Variants in MALRD1 observed in about 807,000 individuals in gnomAD.
The protein encoded by MALRD1 is MAM and LDL-receptor class A domain-containing protein 1.
Under a neutral mutation model 242.1 loss-of-function variants are expected in MALRD1, and 247 were observed. The observed-to-expected ratio is 1.02, with a 90% CI of 0.92 to 1.13. The LOEUF is 1.13. Among genes scored for constraint, MALRD1 ranks in the 50% most tolerant of loss-of-function variants. The pLI is 0.00. For synonymous variants in MALRD1, 995 were observed against 866.6 expected (o/e 1.15, Z -2.60); for missense variants, 2,989 against 2,533.1 (o/e 1.18, Z -3.86).
intron 29 of MALRD1, chr10:19,489,326 G>T: frequency 3.8e-6 from 2 of 529,048 alleles, no homozygotes. Flanking sequence ...AGAGTTAACT[G>T]CAGAAAACGG....
At chr10:19,229,512 C>T (rs1254440867) in intron 18 of MALRD1, among the ~76,000 whole-genome samples, 2 of 152,230 alleles carry the variant, frequency 1.3e-5, no homozygotes, top group Admixed American at 6.5e-5. Flanking sequence ...TCTATTAGAA[C>T]CATGGCCTTA....
chr10:19,289,975 ACC>A (rs891187652), intron 21 of MALRD1, among the ~76,000 whole-genome samples: 7 of 151,880 alleles, frequency 4.6e-5, no homozygotes, highest in Non-Finnish European at 8.8e-5. Flanking sequence ...AGAGAAAAAA[ACC>A]CACAATAATA....
intron 38 of MALRD1, among the ~76,000 whole-genome samples, chr10:19,711,873 G>A (rs952496554): frequency 3.3e-5 from 5 of 152,164 alleles, no homozygotes; most frequent in South Asian, 2.1e-4. Flanking sequence ...ATTAAAATCA[G>A]GGAGTAGCAG....
intron 38 of MALRD1, among the ~76,000 whole-genome samples, chr10:19,695,935 G>A (rs1833358863): frequency 6.6e-6 from 1 of 152,064 alleles, no homozygotes; most frequent in Non-Finnish European, 1.5e-5. Context: ...AACAGCATGG[G>A]AAAAACTCAC....
intron 38 of MALRD1, among the ~76,000 whole-genome samples, chr10:19,701,993 A>C (rs991240766): frequency 6.6e-6 from 1 of 152,056 alleles, no homozygotes; most frequent in Non-Finnish European, 1.5e-5. Context: ...TTCTTATTTC[A>C]TTGACTGGAC....
At chr10:19,493,941 G>A (rs1303128354) in intron 30 of MALRD1, among the ~76,000 whole-genome samples, 1 of 152,128 alleles carries the variant, frequency 6.6e-6, no homozygotes, top group Non-Finnish European at 1.5e-5. Context: ...ACTAAGTAGG[G>A]CATTTAATAG....
chr10:19,140,126 A>G (rs559260160), intron 10 of MALRD1, among the ~76,000 whole-genome samples: 1 of 152,316 alleles, frequency 6.6e-6, no homozygotes, highest in South Asian at 2.1e-4. Flanking sequence ...TATTCTCATT[A>G]AATGAAATAT....
At chr10:19,100,149 A>C (rs1429416650) in intron 4 of MALRD1, among the ~76,000 whole-genome samples, 1 of 151,932 alleles carries the variant, frequency 6.6e-6, no homozygotes, top group East Asian at 1.9e-4. Flanking sequence ...AACTCTTTTC[A>C]TTTAAATCTG....
chr10:19,595,651 G>A (rs1838058853), intron 34 of MALRD1, among the ~76,000 whole-genome samples, 194 bp downstream of exon 34: 1 of 152,016 alleles, frequency 6.6e-6, no homozygotes, highest in Admixed American at 6.6e-5. Context: ...CCCCGTTTGT[G>A]GTCATGCTAA....
intron 10 of MALRD1, among the ~76,000 whole-genome samples, chr10:19,138,239 C>G (rs1295181733): frequency 6.6e-6 from 1 of 152,150 alleles, no homozygotes; most frequent in Non-Finnish European, 1.5e-5. Context: ...TTGTTCAAAA[C>G]AAACGATGTA....
At chr10:19,142,763 T>C (rs1048627074) in intron 10 of MALRD1, among the ~76,000 whole-genome samples, 1 of 152,210 alleles carries the variant, frequency 6.6e-6, no homozygotes, top group Non-Finnish European at 1.5e-5. Context: ...TTAACACATA[T>C]AGTATGATAA....
At chr10:19,188,893 T>C (rs1835852038) in intron 14 of MALRD1, among the ~76,000 whole-genome samples, 1 of 152,170 alleles carries the variant, frequency 6.6e-6, no homozygotes, top group Non-Finnish European at 1.5e-5. Context: ...TCTGGATCTA[T>C]TTTGAAGGCA....
chr10:19,728,023 T>A (rs754787830), intron 38 of MALRD1, among the ~76,000 whole-genome samples: 77 of 152,188 alleles, frequency 5.1e-4, no homozygotes, highest in Non-Finnish European at 8.5e-4. Flanking sequence ...GACGGTGTAA[T>A]AGTTTACCTT....
At chr10:19,694,948 C>T (rs981050526) in intron 38 of MALRD1, among the ~76,000 whole-genome samples, 1 of 152,126 alleles carries the variant, frequency 6.6e-6, no homozygotes. Flanking sequence ...TGGGAACCAT[C>T]ATTCTCAGCA....
intron 14 of MALRD1, among the ~76,000 whole-genome samples, chr10:19,190,363 A>T (rs1835918933): frequency 6.6e-6 from 1 of 152,158 alleles, no homozygotes; most frequent in Admixed American, 6.5e-5. Flanking sequence ...TATTCTTAAG[A>T]TGTCAGTATC....
At chr10:19,553,490 TA>T (rs1835583886) in intron 32 of MALRD1, among the ~76,000 whole-genome samples, 1 of 152,130 alleles carries the variant, frequency 6.6e-6, no homozygotes, top group African/African-American at 2.4e-5. Context: ...TACTGTGTTT[TA>T]AAAAATTTTA....
intron 19 of MALRD1, among the ~76,000 whole-genome samples, chr10:19,269,363 T>A (rs1840101237): frequency 6.6e-6 from 1 of 152,256 alleles, no homozygotes. Flanking sequence ...GCTCTCTTGC[T>A]CTCTCTTTCT....
rs151197880 is a variant in MALRD1 at position 19,572,812 on chromosome 10, G to T, written c.5680+5109G>T. ...AGAGATTGGAGTAACTCATCTACAA[G>T]CCAGGGAATGCCCAACATGGTCAGC... On this transcript the variant is annotated intron_variant, in intron 33 of 39. Transcript: ENST00000454679. Among the ~76,000 whole-genome samples the T allele has an allele frequency of 1.5e-4, 23 of 152,248 alleles. No homozygotes were observed. In the East Asian group the frequency reaches 4.3e-3, roughly 28 times the overall value.
At chr10:19,203,371 T>C (rs1836635356) in intron 14 of MALRD1, among the ~76,000 whole-genome samples, 1 of 152,102 alleles carries the variant, frequency 6.6e-6, no homozygotes, top group African/African-American at 2.4e-5. Context: ...GCAGGAACAA[T>C]GATGCCTCCC....
Sources: gnomAD v4.1 joint callset for allele counts (sites outside exome capture counted in the v4.1 genomes callset) on GRCh38, gnomAD v4.1.1 for gene constraint, MANE v1.5 for transcripts, NCBI Gene and HGNC (gene_info 2026-07-23, HGNC 2026-07-21) for gene names.